VPS13B: variants seen among roughly 807,000 people sequenced by gnomAD.
VPS13B encodes vacuolar protein sorting 13 homolog B.
VPS13B carries 285 observed loss-of-function variants against 426.4 expected under a neutral mutation model. The observed-to-expected ratio is 0.67, with a 90% CI of 0.61 to 0.74. VPS13B has a LOEUF of 0.74. Ranked by LOEUF, VPS13B falls within the 30% of genes least tolerant of loss-of-function variation. The probability of loss-of-function intolerance (pLI) is 0.00; values close to 1 mark genes in which losing one functional copy is unlikely to be tolerated. For synonymous variants in VPS13B, 1,676 were observed against 1,676.4 expected (o/e 1.00, Z 0.01); for missense variants, 4,537 against 4,782.6 (o/e 0.95, Z 1.51).
intron 30 of VPS13B, among the ~76,000 whole-genome samples, chr8:99,535,766 A>G (rs979635495): frequency 7.2e-5 from 11 of 152,242 alleles, no homozygotes; most frequent in African/African-American, 2.6e-4. Flanking sequence ...TGGTAGTGCA[A>G]AGATAATCAT....
chr8:99,415,887 G>A (rs1211560365), intron 21 of VPS13B, among the ~76,000 whole-genome samples: 1 of 152,190 alleles, frequency 6.6e-6, no homozygotes, highest in Non-Finnish European at 1.5e-5. Flanking sequence ...CAGGAAGCAC[G>A]GGGGTCGGGG....
At chr8:99,068,548 A>G (rs1003479859) in intron 3 of VPS13B, among the ~76,000 whole-genome samples, 1 of 152,220 alleles carries the variant, frequency 6.6e-6, no homozygotes, top group East Asian at 1.9e-4. Flanking sequence ...AGTTGCACAT[A>G]TTAGGCCGTT....
chr8:99,100,878 T>TA (rs763656903), intron 4 of VPS13B, among the ~76,000 whole-genome samples: 2 of 151,070 alleles, frequency 1.3e-5, no homozygotes, highest in Non-Finnish European at 3.0e-5. Context: ...CCATCTCTAC[T>TA]AAAAAAAATA....
chr8:99,779,406 C>T (rs553353468), intron 42 of VPS13B, among the ~76,000 whole-genome samples: 2 of 152,196 alleles, frequency 1.3e-5, no homozygotes, highest in South Asian at 2.1e-4. Flanking sequence ...AAATAAAGAA[C>T]CTGTGTGACC....
intron 40 of VPS13B, among the ~76,000 whole-genome samples, chr8:99,771,456 A>G (rs569966661): frequency 2.0e-4 from 31 of 152,294 alleles, no homozygotes; most frequent in Middle Eastern, 6.8e-3. Flanking sequence ...ATATATCTAT[A>G]TATTTTTTCT....
intron 35 of VPS13B, among the ~76,000 whole-genome samples, chr8:99,683,262 G>A (rs1355668397): frequency 6.6e-6 from 1 of 152,140 alleles, no homozygotes; most frequent in Non-Finnish European, 1.5e-5. Context: ...CTGATAGTAA[G>A]TCTTAAAATC....
chr8:99,057,646 A>G (rs547778158), intron 3 of VPS13B, among the ~76,000 whole-genome samples: 1 of 152,272 alleles, frequency 6.6e-6, no homozygotes, highest in Admixed American at 6.5e-5. Context: ...ACTCCAGCAT[A>G]AGAGCTAAAT....
intron 17 of VPS13B, among the ~76,000 whole-genome samples, chr8:99,221,693 C>A (rs1815733213): frequency 6.6e-6 from 1 of 152,088 alleles, no homozygotes; most frequent in Non-Finnish European, 1.5e-5. Context: ...TGCAGACACA[C>A]AAGGAAATCA....
intron 3 of VPS13B, among the ~76,000 whole-genome samples, chr8:99,087,423 A>T (rs1435070389): frequency 1.3e-5 from 2 of 151,344 alleles, no homozygotes; most frequent in Non-Finnish European, 2.9e-5. Flanking sequence ...GCAGTGCCTC[A>T]CCCTGCTTCG....
intron 33 of VPS13B, among the ~76,000 whole-genome samples, chr8:99,581,923 T>C (rs185964895): frequency 1.4e-4 from 22 of 152,366 alleles, no homozygotes; most frequent in Middle Eastern, 6.8e-3. Flanking sequence ...GACATCTGGC[T>C]CTAGAGGACT....
intron 35 of VPS13B, among the ~76,000 whole-genome samples, chr8:99,688,175 G>C (rs1313574355): frequency 2.5e-5 from 2 of 79,592 alleles, no homozygotes; most frequent in Admixed American, 1.4e-4. Context: ...TTGTTCTTTT[G>C]TTTCTTAGGT....
At chr8:99,435,856 T>C (rs765752662) in intron 22 of VPS13B, among the ~76,000 whole-genome samples, 28 of 152,148 alleles carry the variant, frequency 1.8e-4, no homozygotes, top group African/African-American at 3.4e-4. Context: ...ACACATGTAT[T>C]TGAAATGTAT....
intron 23 of VPS13B, among the ~76,000 whole-genome samples, chr8:99,450,451 C>T (rs1305406777): frequency 1.3e-5 from 2 of 152,118 alleles, no homozygotes; most frequent in African/African-American, 2.4e-5. Context: ...TGTGGTGGCT[C>T]ATTCCTGTAA....
chr8:99,019,480 A>G (rs758862188), intron 2 of VPS13B, among the ~76,000 whole-genome samples: 1 of 152,128 alleles, frequency 6.6e-6, no homozygotes, highest in Non-Finnish European at 1.5e-5. Context: ...GCTTACAAGC[A>G]TGAGCCATCG....
rs77080433 is a variant in VPS13B at position 99,244,057 on chromosome 8, C to T, written c.2516-30141C>T. On this transcript the variant is annotated intron_variant, in intron 17 of 61. Transcript: ENST00000357162. ...TGTATGGGCCAGACAAAAGGGATTT[C>T]TCCAACTGCAAATAATTCTAAGGTT... 5.1e-4 allele frequency among the ~76,000 whole-genome samples: 77 copies of T among 152,332 alleles called. No homozygotes were observed. In the East Asian group the frequency reaches 0.013, roughly 26 times the overall value.
At chr8:99,074,460 A>G (rs1186115475) in intron 3 of VPS13B, among the ~76,000 whole-genome samples, 1 of 150,928 alleles carries the variant, frequency 6.6e-6, no homozygotes, top group Non-Finnish European at 1.5e-5. Flanking sequence ...GTGAGCCGAG[A>G]TCGCACCACT....
chr8:99,543,228 A>T (rs1428633003), intron 30 of VPS13B, among the ~76,000 whole-genome samples: 2 of 152,234 alleles, frequency 1.3e-5, no homozygotes, highest in Non-Finnish European at 1.5e-5. Context: ...TCCCTATTTA[A>T]TAAATGGTGC....
chr8:99,821,456 C>T lies in VPS13B; in HGVS notation c.9157C>T (p.Leu3053Phe). ...AGCGTTTGTTGATACTGAAATAAGA[C>T]TTGGTGCTTTTCCAGGACATCAGAA... The part of the protein sequence containing the change: ...EEAFVDTEIR[L>F]GAFPGHQKLC... Residue 3053 changes from leucine (L) to phenylalanine (F), a missense_variant, in exon 50 of 62, where the codon CTT becomes TTT. By Grantham distance (22) the Leu-to-Phe change is conservative. Around this residue, in one of 2 missense-constraint regions of VPS13B, gnomAD observed 4,311 missense variants for 4,474.3 expected, o/e 0.96. Coordinates refer to ENST00000357162, the MANE Select transcript of VPS13B (RefSeq NM_152564.5). 1.2e-6 allele frequency: 2 copies of T among 1,613,748 alleles called. No individual in the cohort carries two copies. The highest frequency in any genetic ancestry group is 1.7e-6 in the Non-Finnish European group (2 of 1,179,732).
intron 2 of VPS13B, among the ~76,000 whole-genome samples, chr8:99,018,110 G>A (rs557277414): frequency 1.3e-5 from 2 of 152,256 alleles, no homozygotes; most frequent in East Asian, 3.9e-4. Context: ...GGTTAGGTGT[G>A]GTGGCTCTTG....
Sources: gnomAD v4.1 joint callset for allele counts (sites outside exome capture counted in the v4.1 genomes callset) on GRCh38, gnomAD v4.1.1 for gene constraint, gnomAD v4.1.1 regional missense constraint, MANE v1.5 for transcripts, NCBI Gene and HGNC (gene_info 2026-07-23, HGNC 2026-07-21) for gene names.